Variants in WWOX observed in about 807,000 individuals in gnomAD.
WWOX encodes the protein WW domain-containing oxidoreductase.
A neutral mutation model predicts 46.2 loss-of-function variants in WWOX; 69 were observed. The observed-to-expected ratio is 1.49, with a 90% CI of 1.23 to 1.82. The LOEUF (loss-of-function observed/expected upper bound fraction) is 1.82. WWOX is among the 40% of genes most tolerant of loss of function. The pLI is 0.00. For missense variants in WWOX, 919 were observed against 542.6 expected, an observed-to-expected ratio of 1.69 and a Z score of -6.89; for synonymous variants, 359 against 202.6, an observed-to-expected ratio of 1.77 and a Z score of -6.56.
chr16:78,213,969 C>A (rs959892633), intron 5 of WWOX, among the ~76,000 whole-genome samples: 2 of 152,120 alleles, frequency 1.3e-5, no homozygotes, highest in Non-Finnish European at 2.9e-5. Flanking sequence ...TGTACAGCTG[C>A]CTCTGCTCTT....
At chr16:78,953,554 C>G (rs185181523) in intron 8 of WWOX, among the ~76,000 whole-genome samples, 1 of 152,126 alleles carries the variant, frequency 6.6e-6, no homozygotes, top group Admixed American at 6.5e-5. Context: ...AGAGTCATTG[C>G]CCCAGGGGAC....
intron 8 of WWOX, among the ~76,000 whole-genome samples, chr16:78,609,489 G>C (rs573036412): frequency 5.2e-4 from 78 of 150,306 alleles, no homozygotes; most frequent in Non-Finnish European, 9.9e-4. Context: ...AAAAAAAAAT[G>C]TTTTCTGGTC....
intron 8 of WWOX, among the ~76,000 whole-genome samples, chr16:79,033,893 A>G (rs1199477819): frequency 6.6e-6 from 1 of 152,214 alleles, no homozygotes; most frequent in Non-Finnish European, 1.5e-5. Flanking sequence ...TGTCTGTCGC[A>G]CCATCAAACA....
intron 8 of WWOX, among the ~76,000 whole-genome samples, chr16:78,958,376 A>G (rs914326417): frequency 6.6e-6 from 1 of 152,236 alleles, no homozygotes; most frequent in African/African-American, 2.4e-5. Context: ...ACAAACCCCC[A>G]TGGAAATATA....
At chr16:79,015,855 G>T (rs2047402447) in intron 8 of WWOX, among the ~76,000 whole-genome samples, 1 of 152,192 alleles carries the variant, frequency 6.6e-6, no homozygotes. Flanking sequence ...GGGTTCATGT[G>T]ATTGTCCTGC....
rs8059725 is a variant in WWOX, at chr16:78,394,829, C to A, written c.605+7881C>A. Among the ~76,000 whole-genome samples, 600 of 152,334 alleles carry A rather than the reference C, an allele frequency of 3.9e-3. 7 individuals carry two copies. Among genetic ancestry groups the A allele is most frequent in the African/African-American group, 0.013 (547 of 41,576 alleles). ...ATAGTATGCTACCCCTGGGCAACAA[C>A]CTGTATGCCCTGGAGTAGTGTAAAG... On this transcript the variant is annotated intron_variant, in intron 6 of 8. Coordinates refer to ENST00000566780, the MANE Select transcript of WWOX (RefSeq NM_016373.4).
intron 8 of WWOX, among the ~76,000 whole-genome samples, chr16:79,049,112 A>G (rs2048119050): frequency 1.3e-5 from 2 of 152,236 alleles, no homozygotes; most frequent in Admixed American, 6.5e-5. Flanking sequence ...GTTTCTGCAA[A>G]CAGCTAGATA....
At chr16:79,099,080 G>A (rs2049136877) in intron 8 of WWOX, among the ~76,000 whole-genome samples, 1 of 149,592 alleles carries the variant, frequency 6.7e-6, no homozygotes, top group Non-Finnish European at 1.5e-5. Flanking sequence ...CATGGGCAGA[G>A]AGGAAGCAAG....
At chr16:79,111,276 C>T (rs955290257) in intron 8 of WWOX, among the ~76,000 whole-genome samples, 1 of 152,238 alleles carries the variant, frequency 6.6e-6, no homozygotes, top group Non-Finnish European at 1.5e-5. Flanking sequence ...GACACTGTAT[C>T]TGCAGATTCC....
chr16:78,532,080 T>C (rs2151514131), intron 8 of WWOX, among the ~76,000 whole-genome samples: 1 of 151,708 alleles, frequency 6.6e-6, no homozygotes, highest in African/African-American at 2.4e-5. Context: ...TTTTTTTTCT[T>C]TTTCCCTTAT....
intron 8 of WWOX, among the ~76,000 whole-genome samples, chr16:79,006,193 C>A (rs992927362): frequency 2.6e-5 from 4 of 152,176 alleles, no homozygotes; most frequent in African/African-American, 9.7e-5. Context: ...ACAAGTTTGG[C>A]CTGCGGCAGG....
At chr16:78,662,326 A>G (rs2047233590) in intron 8 of WWOX, among the ~76,000 whole-genome samples, 1 of 152,218 alleles carries the variant, frequency 6.6e-6, no homozygotes, top group Non-Finnish European at 1.5e-5. Context: ...TCAGCATTTC[A>G]TCTGCATATA....
chr16:79,003,863 A>G (rs748302629), intron 8 of WWOX, among the ~76,000 whole-genome samples: 2 of 152,124 alleles, frequency 1.3e-5, no homozygotes, highest in Non-Finnish European at 2.9e-5. Context: ...CACTGGGATT[A>G]AGGGGAAGGG....
At chr16:79,061,459 G>A (rs1422308989) in intron 8 of WWOX, among the ~76,000 whole-genome samples, 1 of 152,204 alleles carries the variant, frequency 6.6e-6, no homozygotes, top group Admixed American at 6.5e-5. Context: ...GGCACTCTGG[G>A]TGTAAAGCAT....
intron 8 of WWOX, among the ~76,000 whole-genome samples, chr16:78,705,202 C>T (rs764538577): frequency 7.9e-5 from 12 of 152,128 alleles, no homozygotes; most frequent in African/African-American, 2.2e-4. Flanking sequence ...TTCAGTCTGA[C>T]GGCCGCTAAA....
chr16:79,072,821 C>T (rs779313152), intron 8 of WWOX, among the ~76,000 whole-genome samples: 78 of 152,116 alleles, frequency 5.1e-4, no homozygotes, highest in Non-Finnish European at 1.0e-3. Context: ...TCTTTGATTT[C>T]TTATTTTCAA....
chr16:78,302,332 A>T (rs1031239975), intron 5 of WWOX, among the ~76,000 whole-genome samples: 1 of 152,122 alleles, frequency 6.6e-6, no homozygotes, highest in Non-Finnish European at 1.5e-5. Context: ...TATATCAGTT[A>T]TAAAAGTTTT....
intron 8 of WWOX, among the ~76,000 whole-genome samples, chr16:78,982,295 C>A (rs1288537510): frequency 6.6e-6 from 1 of 152,130 alleles, no homozygotes; most frequent in Non-Finnish European, 1.5e-5. Context: ...ACTTTGAAAG[C>A]GTGATTTTGA....
chr16:78,541,245 C>A (rs995638626), intron 8 of WWOX, among the ~76,000 whole-genome samples: 1 of 151,510 alleles, frequency 6.6e-6, no homozygotes, highest in Non-Finnish European at 1.5e-5. Flanking sequence ...GAGGCCGAGG[C>A]GGGCGGATCA....
Sources: allele counts gnomAD v4.1 joint callset (sites outside exome capture counted in the v4.1 genomes callset), GRCh38; gene constraint gnomAD v4.1.1; transcripts MANE v1.5; gene names NCBI Gene and HGNC (gene_info 2026-07-23, HGNC 2026-07-21).